The following SGPL1 variants were observed in gnomAD, a reference collection of about 807,000 sequenced individuals.
SGPL1 encodes the protein SP-lyase 1.
In SGPL1, 37 loss-of-function variants were observed where a neutral mutation model predicts 68.9. The observed-to-expected ratio is 0.54, with a 90% CI of 0.41 to 0.71. The LOEUF is 0.71. SGPL1 is among the 30% of genes least tolerant of loss of function. The pLI is 0.00. For synonymous variants in SGPL1, 236 were observed against 248.5 expected, an observed-to-expected ratio of 0.95 and a Z score of 0.47; for missense variants, 551 against 704.6, an observed-to-expected ratio of 0.78 and a Z score of 2.47.
intron 7 of SGPL1, among the ~76,000 whole-genome samples, chr10:70,861,419 T>C (rs530284880): frequency 6.6e-6 from 1 of 152,338 alleles, no homozygotes; most frequent in South Asian, 2.1e-4. Context: ...AGATGAAAGA[T>C]TGGCTGTAAA....
At position 70,878,945 on chromosome 10, in the gene SGPL1, G is replaced by A. The variant is rs541433732; in HGVS notation, c.*1610G>A. On this transcript the variant is annotated 3_prime_UTR_variant, in exon 15 of 15. Transcript: ENST00000373202. ...GCTGCTCAGGGTGGTGCAGGGACAG[G>A]ACCAGACCCTGCGCCTATTTCCTGC... 1 of 152,882 alleles carries A rather than the reference G, an allele frequency of 6.5e-6. No homozygotes were observed. The highest frequency in any genetic ancestry group is 2.1e-4 in the South Asian group (1 of 4,824). The allele number at this position is 152,882 out of a possible 1,614,324, so 9.5% of individuals were successfully genotyped here. A position where few individuals can be genotyped will look rare whatever the true frequency, so the allele number is the denominator to read the frequency against.
rs771620665 is a variant in SGPL1 at position 70,868,353 on chromosome 10, T to TG, written c.629dup (p.Thr211AsnfsTer17). On this transcript the variant is annotated frameshift_variant, in exon 8 of 15. Coordinates refer to ENST00000373202, the MANE Select transcript of SGPL1 (RefSeq NM_003901.4). LOFTEE classifies it high-confidence loss of function. ...TCTCTTCTTTATTATAGGTGACTTC[T>TG]GGGGGAACAGAAAGCATACTGATGG... 6 of 1,611,084 alleles carry TG rather than the reference T, an allele frequency of 3.7e-6. No homozygotes were observed. Among genetic ancestry groups the TG allele is most frequent in the Non-Finnish European group, 5.1e-6 (6 of 1,178,548 alleles).
chr10:70,869,974 C>T (rs879843639), intron 9 of SGPL1, 77 bp downstream of exon 9: 19 of 1,162,554 alleles, frequency 1.6e-5, no homozygotes, highest in Non-Finnish European at 2.3e-5. Flanking sequence ...TAGCCGTTTC[C>T]AGTCAGATGG....
At chr10:70,846,215 C>T (rs907157733) in intron 3 of SGPL1, among the ~76,000 whole-genome samples, 2 of 152,160 alleles carry the variant, frequency 1.3e-5, no homozygotes, top group African/African-American at 2.4e-5. Flanking sequence ...TTAGACTGGC[C>T]GGCCCTTCCG....
intron 2 of SGPL1, among the ~76,000 whole-genome samples, chr10:70,834,285 C>T (rs1217684874): frequency 6.6e-6 from 1 of 152,092 alleles, no homozygotes; most frequent in Non-Finnish European, 1.5e-5. Context: ...AGGAATCATG[C>T]TTCTTGGATG....
At chr10:70,825,783 A>G (rs1390192335) in intron 2 of SGPL1, among the ~76,000 whole-genome samples, 1 of 152,208 alleles carries the variant, frequency 6.6e-6, no homozygotes, top group Non-Finnish European at 1.5e-5. Flanking sequence ...AAAATTTTTC[A>G]TGTGTCCAGA....
intron 2 of SGPL1, among the ~76,000 whole-genome samples, chr10:70,824,780 A>G (rs1368082781): frequency 1.3e-5 from 2 of 152,152 alleles, no homozygotes; most frequent in African/African-American, 2.4e-5. Context: ...AGAATCTAAC[A>G]TTATGCAGAC....
chr10:70,844,381 C>T, intron 2 of SGPL1, 92 bp from the exon 3 acceptor site: 1 of 1,147,240 alleles, frequency 8.7e-7, no homozygotes, highest in East Asian at 2.5e-5. Context: ...AATGACCTTG[C>T]CCTTGAAAAA....
In SGPL1 at chr10:70,871,847, A is replaced by G. The variant is rs749855851; in HGVS notation, c.920A>G (p.Lys307Arg). 2.5e-6 allele frequency: 4 copies of G among 1,613,508 alleles called. No individual in the cohort carries two copies. The Admixed American group carries it at 5.0e-5, about 20-fold the overall frequency. ...GTTTTTTGGAACAAGCTGGCTGTCAAATACAAAATACCCCTTCATGTCGAC... is the reference window on the plus strand; with the variant it reads ...GTTTTTTGGAACAAGCTGGCTGTCAGATACAAAATACCCCTTCATGTCGAC... ...PVPEVAKLAV[K>R]YKIPLHVDAC... The change falls in exon 11 of 15, where the codon AAA (lysine) becomes AGA (arginine). Residue 307 changes from lysine (K) to arginine (R), a missense_variant. By Grantham distance (26) the Lys-to-Arg change is conservative. Transcript: ENST00000373202.
intron 9 of SGPL1, 170 bp downstream of exon 9, chr10:70,870,067 T>G: frequency 1.9e-6 from 1 of 534,590 alleles, no homozygotes; most frequent in Non-Finnish European, 3.3e-6. Flanking sequence ...AGTCTTTTCA[T>G]AGGTTCATGA....
At chr10:70,842,440 G>T (rs950901710) in intron 2 of SGPL1, among the ~76,000 whole-genome samples, 1 of 152,164 alleles carries the variant, frequency 6.6e-6, no homozygotes, top group Non-Finnish European at 1.5e-5. Context: ...AGAAATACCT[G>T]AGTCTGGGTA....
At chr10:70,841,923 C>T (rs1845722104) in intron 2 of SGPL1, among the ~76,000 whole-genome samples, 1 of 152,086 alleles carries the variant, frequency 6.6e-6, no homozygotes, top group South Asian at 2.1e-4. Context: ...TCATAGTTAA[C>T]CAGTCTGTCG....
At chr10:70,837,643 A>G (rs1845646684) in intron 2 of SGPL1, among the ~76,000 whole-genome samples, 1 of 152,220 alleles carries the variant, frequency 6.6e-6, no homozygotes, top group African/African-American at 2.4e-5. Flanking sequence ...AGCAGAGACA[A>G]CATTACAGAG....
Position 70,841,586 on chromosome 10 carries a change from G to A in SGPL1, c.28-2887G>A, listed in dbSNP as rs143910295. ...TTATAAAGTCACTAATCTTATTCAC[G>A]AGGCCTCTGCCTTCATGATCTAATG... On this transcript the variant is annotated intron_variant, in intron 2 of 14. Coordinates refer to ENST00000373202, the MANE Select transcript of SGPL1 (RefSeq NM_003901.4). 5.4e-3 allele frequency among the ~76,000 whole-genome samples: 821 copies of A among 152,150 alleles called. 6 individuals carry two copies. Among genetic ancestry groups the A allele is most frequent in the Middle Eastern group, 0.01 (3 of 294 alleles).
chr10:70,871,771 G>A lies in SGPL1; in HGVS notation c.910-66G>A, dbSNP rs1216875214. ...GTTTATAGCCCATCTTTCCACCCATGTCTTGCAGTTTTTATTATAGGGCTA... is the reference window on the plus strand; with the variant it reads ...GTTTATAGCCCATCTTTCCACCCATATCTTGCAGTTTTTATTATAGGGCTA... On this transcript the variant is annotated intron_variant, in intron 10 of 14. Transcript: ENST00000373202. The A allele has an allele frequency of 9.4e-6, 14 of 1,482,916 alleles. No homozygotes were observed. The East Asian group carries it at 3.0e-4, about 31-fold the overall frequency. The allele number at this position is 1,482,916 out of a possible 1,614,324, so 91.9% of individuals were successfully genotyped here.
At chr10:70,853,532 C>G (rs1845918411) in intron 4 of SGPL1, among the ~76,000 whole-genome samples, 1 of 152,126 alleles carries the variant, frequency 6.6e-6, no homozygotes, top group African/African-American at 2.4e-5. Context: ...TGTTACCTGT[C>G]TTACTATTTT....
intron 2 of SGPL1, among the ~76,000 whole-genome samples, chr10:70,819,539 A>G (rs55729723): frequency 5.3e-5 from 8 of 152,292 alleles, no homozygotes; most frequent in South Asian, 2.1e-4. Flanking sequence ...TCCACCTGGG[A>G]AGAAAGGACC....
intron 2 of SGPL1, among the ~76,000 whole-genome samples, chr10:70,828,875 C>T (rs1845483722): frequency 6.6e-6 from 1 of 152,060 alleles, no homozygotes; most frequent in Non-Finnish European, 1.5e-5. Context: ...TATTGAATTC[C>T]AGTCTTAATG....
At chr10:70,831,946 A>G (rs1845546467) in intron 2 of SGPL1, among the ~76,000 whole-genome samples, 1 of 152,138 alleles carries the variant, frequency 6.6e-6, no homozygotes, top group East Asian at 1.9e-4. Flanking sequence ...GAGGCAGGTA[A>G]AAGAGGACAG....
Sources: allele counts gnomAD v4.1 joint callset (sites outside exome capture counted in the v4.1 genomes callset), GRCh38; gene constraint gnomAD v4.1.1; transcripts MANE v1.5; gene names NCBI Gene and HGNC (gene_info 2026-07-23, HGNC 2026-07-21).